GLI3: variants seen among roughly 807,000 people sequenced by gnomAD.
The protein encoded by GLI3 is GLI family zinc finger 3.
Under a neutral mutation model 100.8 loss-of-function variants are expected in GLI3, and 20 were observed. The ratio of observed to expected loss-of-function variants is 0.20; its 90% CI spans 0.14 to 0.29. The LOEUF is 0.29. Among genes scored for constraint, GLI3 ranks in the 10% least tolerant of loss-of-function variants. GLI3 has a pLI of 1.00. For synonymous variants in GLI3, 938 were observed against 860.5 expected, an observed-to-expected ratio of 1.09 and a Z score of -1.58; for missense variants, 2,040 against 2,128.5, an observed-to-expected ratio of 0.96 and a Z score of 0.82.
intron 3 of GLI3, among the ~76,000 whole-genome samples, chr7:42,142,432 T>G (rs1786591365): frequency 1.3e-5 from 2 of 152,190 alleles, no homozygotes; most frequent in South Asian, 4.1e-4. Flanking sequence ...TTTCTTTCTC[T>G]TCCTGACCTG....
intron 11 of GLI3, 53 bp from the exon 12 acceptor site, chr7:41,977,775 A>T: frequency 6.7e-7 from 1 of 1,487,616 alleles, no homozygotes. Flanking sequence ...ACAGCAGCTT[A>T]TGCCTAACAC....
At chr7:41,996,984 T>A (rs1788142833) in intron 10 of GLI3, among the ~76,000 whole-genome samples, 1 of 152,230 alleles carries the variant, frequency 6.6e-6, no homozygotes, top group African/African-American at 2.4e-5. Flanking sequence ...TGCAAGCCCA[T>A]GTGGCCATAA....
At chr7:42,000,558 C>T (rs1390872503) in intron 10 of GLI3, among the ~76,000 whole-genome samples, 1 of 151,962 alleles carries the variant, frequency 6.6e-6, no homozygotes, top group Non-Finnish European at 1.5e-5. Flanking sequence ...TCGGTAAAAG[C>T]AAGCTTGTAA....
chr7:42,015,042 A>C (rs1391586357), intron 10 of GLI3, among the ~76,000 whole-genome samples: 1 of 152,230 alleles, frequency 6.6e-6, no homozygotes, highest in East Asian at 1.9e-4. Context: ...TTGAGTTTAC[A>C]AAGTACTTCC....
At chr7:41,979,174 G>T (rs1040350739) in intron 10 of GLI3, among the ~76,000 whole-genome samples, 4 of 152,204 alleles carry the variant, frequency 2.6e-5, no homozygotes, top group African/African-American at 9.7e-5. Context: ...ACTCTCACAT[G>T]CTGGGCCATG....
intron 12 of GLI3, among the ~76,000 whole-genome samples, chr7:41,975,060 T>C (rs1034225506): frequency 2.0e-5 from 3 of 151,778 alleles, no homozygotes; most frequent in Non-Finnish European, 2.9e-5. Flanking sequence ...GAGAGGGAGG[T>C]TCAACCGAAT....
rs57330922 is a variant in GLI3, at chr7:42,094,733, C to CAA, written c.368-17878_368-17877dup. Among the ~76,000 whole-genome samples the CAA allele has an allele frequency of 4.7e-3, 675 of 145,010 alleles. 2 individuals carry two copies. Among genetic ancestry groups the CAA allele is most frequent in the South Asian group, 0.015 (68 of 4,476 alleles). On this transcript the variant is annotated intron_variant, in intron 3 of 14. Coordinates refer to ENST00000395925, the MANE Select transcript of GLI3 (RefSeq NM_000168.6). Reference sequence around the variant, plus strand: ...TGGGTGACAAAGTGAGACTCTGTGTCAAAAAAAAAAAATTAATTAAAAAAA... The same window carrying CAA: ...TGGGTGACAAAGTGAGACTCTGTGTCAAAAAAAAAAAAAATTAATTAAAAAAA...
intron 3 of GLI3, among the ~76,000 whole-genome samples, chr7:42,144,289 T>G (rs960579636): frequency 7.2e-5 from 11 of 152,086 alleles, no homozygotes; most frequent in African/African-American, 2.7e-4. Context: ...TGATACAAGA[T>G]CAGGTCCTCC....
At chr7:41,984,517 G>C (rs1323152628) in intron 10 of GLI3, among the ~76,000 whole-genome samples, 1 of 152,266 alleles carries the variant, frequency 6.6e-6, no homozygotes, top group African/African-American at 2.4e-5. Context: ...GTGTGTGCAA[G>C]ATCTGCACAT....
intron 3 of GLI3, among the ~76,000 whole-genome samples, chr7:42,095,214 T>C (rs1785312546): frequency 6.6e-6 from 1 of 152,174 alleles, no homozygotes; most frequent in South Asian, 2.1e-4. Context: ...CCCCAGCAGT[T>C]TCTGACTCAG....
At chr7:42,214,468 A>G (rs1788333334) in intron 2 of GLI3, among the ~76,000 whole-genome samples, 1 of 152,070 alleles carries the variant, frequency 6.6e-6, no homozygotes, top group African/African-American at 2.4e-5. Flanking sequence ...AGAAAAAAAA[A>G]AGAGACAGGA....
chr7:42,186,552 C>T (rs963749464), intron 2 of GLI3, among the ~76,000 whole-genome samples: 14 of 152,192 alleles, frequency 9.2e-5, no homozygotes, highest in Non-Finnish European at 1.5e-4. Flanking sequence ...GCAACAGCAG[C>T]GGAATGACAA....
At chr7:42,177,100 T>C (rs567075869) in intron 2 of GLI3, among the ~76,000 whole-genome samples, 2 of 152,248 alleles carry the variant, frequency 1.3e-5, no homozygotes, top group South Asian at 4.1e-4. Flanking sequence ...GCTCCAGTGA[T>C]AGGGACACTC....
chr7:42,193,313 G>C (rs1167907691), intron 2 of GLI3, among the ~76,000 whole-genome samples: 1 of 151,908 alleles, frequency 6.6e-6, no homozygotes, highest in East Asian at 1.9e-4. Context: ...CATTCAAAAG[G>C]GGTTTAAAAA....
intron 2 of GLI3, among the ~76,000 whole-genome samples, chr7:42,189,410 T>A (rs997141837): frequency 6.6e-6 from 1 of 152,234 alleles, no homozygotes; most frequent in African/African-American, 2.4e-5. Flanking sequence ...GGTGAATGAC[T>A]TCATCAATAG....
intron 3 of GLI3, among the ~76,000 whole-genome samples, chr7:42,083,566 C>A (rs846295): frequency 0.62 from 94,643 of 152,088 alleles, 30,210 homozygotes; most frequent in African/African-American, 0.75. Flanking sequence ...GACAGGAAAC[C>A]CATGGCCTAA....
intron 3 of GLI3, among the ~76,000 whole-genome samples, chr7:42,130,377 A>G (rs936325161): frequency 6.6e-6 from 1 of 152,228 alleles, no homozygotes; most frequent in African/African-American, 2.4e-5. Context: ...AGAATGACCA[A>G]TATCAACAAG....
chr7:42,037,920 T>C (rs572077727), intron 7 of GLI3, among the ~76,000 whole-genome samples: 1 of 152,186 alleles, frequency 6.6e-6, no homozygotes, highest in South Asian at 2.1e-4. Flanking sequence ...AAAGATAGCA[T>C]CATGACCATT....
At chr7:42,035,600 T>C (rs921560557) in intron 7 of GLI3, among the ~76,000 whole-genome samples, 3 of 152,220 alleles carry the variant, frequency 2.0e-5, no homozygotes, top group Admixed American at 6.5e-5. Flanking sequence ...AGCCATTAAA[T>C]AGAAAGTGAG....
Sources: allele counts gnomAD v4.1 joint callset (sites outside exome capture counted in the v4.1 genomes callset), GRCh38; gene constraint gnomAD v4.1.1; transcripts MANE v1.5; gene names NCBI Gene and HGNC (gene_info 2026-07-23, HGNC 2026-07-21).